TF: variants seen among roughly 807,000 people sequenced by gnomAD.
TF encodes serotransferrin.
A neutral mutation model predicts 82.4 loss-of-function variants in TF; 55 were observed. That is an observed-to-expected ratio of 0.67 (90% CI 0.54 to 0.84). The LOEUF (loss-of-function observed/expected upper bound fraction) is 0.84, where lower values mean the gene tolerates loss of function less well. Ranked by LOEUF, TF falls within the 40% of genes least tolerant of loss-of-function variation. TF has a pLI of 0.00. For synonymous variants in TF, 332 were observed against 332.6 expected, an observed-to-expected ratio of 1.00 and a Z score of 0.02; for missense variants, 737 against 868.4, an observed-to-expected ratio of 0.85 and a Z score of 1.90.
chr3:133,755,433 A>C lies in TF; in HGVS notation c.573A>C (p.Gln191His), dbSNP rs1396504376. ...GGACGGACTTCCCCCAGCTGTGTCA[A>C]CTGTGTCCAGGGTGTGGCTGCTCCA... ...ADGTDFPQLCQLCPGCGCSTL... is the reference protein window; with the variant it reads ...ADGTDFPQLCHLCPGCGCSTL... Residue 191 changes from glutamine (Q) to histidine (H), a missense_variant, in exon 5 of 17, where the codon CAA becomes CAC. Physicochemically the swap from Gln to His is conservative, Grantham distance 24 (BLOSUM62 0). Coordinates refer to ENST00000402696, the MANE Select transcript of TF (RefSeq NM_001063.4). The C allele has an allele frequency of 1.2e-6, 2 of 1,614,204 alleles. No homozygotes were observed. Among genetic ancestry groups the C allele is most frequent in the South Asian group, 2.2e-5 (2 of 91,074 alleles).
At chr3:133,757,970 T>A in intron 8 of TF, 24 bp downstream of exon 8, 2 of 1,613,360 alleles carry the variant, frequency 1.2e-6, no homozygotes, top group Non-Finnish European at 1.7e-6. Flanking sequence ...AAGAACCAGG[T>A]GACCACAAGC....
At chr3:133,755,621 C>G in intron 5 of TF, 126 bp downstream of exon 5, 1 of 1,352,140 alleles carries the variant, frequency 7.4e-7, no homozygotes, top group Non-Finnish European at 1.0e-6. Flanking sequence ...TAATCCCCTC[C>G]CAGTGAGTCA....
intron 14 of TF, among the ~76,000 whole-genome samples, chr3:133,772,599 CCCT>C (rs1934287091): frequency 6.6e-6 from 1 of 152,186 alleles, no homozygotes; most frequent in African/African-American, 2.4e-5. Context: ...TGTCAACGTT[CCCT>C]CCTCTTCTCC....
Position 133,785,042 on chromosome 3 carries a change from A to G in TF, c.*6422A>G, listed in dbSNP as rs1181186035. 1.2e-5 allele frequency: 1 copy of G among 83,224 alleles called. No individual in the cohort carries two copies. Among genetic ancestry groups the G allele is most frequent in the Non-Finnish European group, 2.8e-5 (1 of 36,344 alleles). The allele number at this position is 83,224 out of a possible 1,614,324, so 5.2% of individuals were successfully genotyped here. A position where few individuals can be genotyped will look rare whatever the true frequency, so the allele number is the denominator to read the frequency against. On this transcript the variant is annotated 3_prime_UTR_variant, in exon 17 of 17. Transcript: ENST00000402696. The stretch of plus-strand genomic sequence containing the variant: ...GGCCAGCCGCCCCGTCTGGGAGGTG[A>G]GGGGCGCCTCTGCCCGGCCGCCCCT...
At chr3:133,684,924 T>A in the TF span, among the ~76,000 whole-genome samples, 20 of 152,080 alleles carry the variant, frequency 1.3e-4, no homozygotes, top group Admixed American at 2.0e-4. Flanking sequence ...TAGACCAATA[T>A]CCCTGATGAA....
chr3:133,756,431 C>T (rs1933832117), intron 6 of TF, 94 bp downstream of exon 6: 21 of 1,351,150 alleles, frequency 1.6e-5, no homozygotes, highest in Non-Finnish European at 2.1e-5. Flanking sequence ...TGGAAATGAG[C>T]ATACTGTATT....
intron 1 of TF, among the ~76,000 whole-genome samples, chr3:133,746,980 G>A (rs979720055): frequency 3.3e-5 from 5 of 152,166 alleles, no homozygotes; most frequent in Non-Finnish European, 7.3e-5. Context: ...TCACCAGGGA[G>A]GGGGTCATCA....
Position 133,789,894 on chromosome 3 carries a change from T to G in TF, c.*11274T>G, listed in dbSNP as rs1934789155. On this transcript the variant is annotated 3_prime_UTR_variant, in exon 17 of 17. Transcript: ENST00000402696. ...TCTCGTTTGCGTTTTTTTTTTTTTT[T>G]TTTTTTTTTTTTTTGACAAATGAGC... 1 of 148,142 alleles carries G rather than the reference T, an allele frequency of 6.8e-6. No individual in the cohort carries two copies. Among genetic ancestry groups the G allele is most frequent in the Non-Finnish European group, 1.5e-5 (1 of 67,160 alleles). 9.2% of individuals were successfully genotyped at this position (148,142 alleles called of 1,614,324 possible). A position where few individuals can be genotyped will look rare whatever the true frequency, so the allele number is the denominator to read the frequency against.
the TF span, chr3:133,665,137 G>A: frequency 6.8e-6 from 1 of 147,106 alleles, no homozygotes; most frequent in Non-Finnish European, 1.5e-5. Flanking sequence ...AACGTAGCAA[G>A]AACCCCCATC....
chr3:133,757,132 A>G, intron 7 of TF, 123 bp downstream of exon 7: 1 of 1,295,648 alleles, frequency 7.7e-7, no homozygotes, highest in Admixed American at 1.9e-5. Flanking sequence ...GAGCCATGCC[A>G]CATGTCACTA....
At chr3:133,687,580 C>A in the TF span, among the ~76,000 whole-genome samples, 2 of 152,178 alleles carry the variant, frequency 1.3e-5, no homozygotes, top group Non-Finnish European at 2.9e-5. Flanking sequence ...AGTCAGTACC[C>A]ATTTTCGTCA....
At position 133,793,073 on chromosome 3, in the gene TF, G is replaced by A. The variant is rs972863456; in HGVS notation, c.*14453G>A. 6.6e-6 allele frequency: 1 copy of A among 152,056 alleles called. No homozygotes were observed. The highest frequency in any genetic ancestry group is 2.4e-5 in the African/African-American group (1 of 41,418). 9.4% of individuals were successfully genotyped at this position (152,056 alleles called of 1,614,324 possible). A position where few individuals can be genotyped will look rare whatever the true frequency, so the allele number is the denominator to read the frequency against. ...ACATTAATAGCACACTAATGCAAGGGTGAAATTTGGCTTTCTCTCTTGAAC... is the reference window on the plus strand; with the variant it reads ...ACATTAATAGCACACTAATGCAAGGATGAAATTTGGCTTTCTCTCTTGAAC... On this transcript the variant is annotated 3_prime_UTR_variant, in exon 17 of 17. Coordinates refer to ENST00000402696, the MANE Select transcript of TF (RefSeq NM_001063.4).
chr3:133,771,260 T>C (rs1405383943), intron 14 of TF, among the ~76,000 whole-genome samples: 3 of 152,174 alleles, frequency 2.0e-5, no homozygotes. Context: ...TCTGGGAATT[T>C]TGAGCATTAA....
chr3:133,687,285 G>A, the TF span, among the ~76,000 whole-genome samples: 1 of 152,006 alleles, frequency 6.6e-6, no homozygotes, highest in African/African-American at 2.4e-5. Context: ...CATGGCACAT[G>A]TATACATATG....
chr3:133,663,628 A>G, the TF span, among the ~76,000 whole-genome samples: 1 of 152,260 alleles, frequency 6.6e-6, no homozygotes, highest in South Asian at 2.1e-4. Flanking sequence ...CAACCCTATA[A>G]TAGATGGGTA....
chr3:133,698,977 G>A, the TF span, among the ~76,000 whole-genome samples: 1 of 152,196 alleles, frequency 6.6e-6, no homozygotes, highest in Non-Finnish European at 1.5e-5. Context: ...TTTAGTGGGG[G>A]ACCTGGGCCA....
In TF at chr3:133,781,466, TA is replaced by T. The variant is rs1358979226; in HGVS notation, c.*2850del. ...GACAATAATAATTAACAAGAATAAATAAAATGTATCATTTAGTAAATTAATA... is the reference window on the plus strand; with the variant it reads ...GACAATAATAATTAACAAGAATAAATAAATGTATCATTTAGTAAATTAATA... On this transcript the variant is annotated 3_prime_UTR_variant, in exon 17 of 17. Coordinates refer to ENST00000402696, the MANE Select transcript of TF (RefSeq NM_001063.4). 2.6e-5 allele frequency: 4 copies of T among 152,076 alleles called. No homozygotes were observed. The highest frequency in any genetic ancestry group is 5.9e-5 in the Non-Finnish European group (4 of 68,000). The allele number at this position is 152,076 out of a possible 1,614,324, so 9.4% of individuals were successfully genotyped here.
chr3:133,727,677 T>C, the TF span, among the ~76,000 whole-genome samples: 2 of 120,434 alleles, frequency 1.7e-5, no homozygotes, highest in African/African-American at 6.4e-5. Context: ...TATTGTTATG[T>C]GTGAATTTGA....
At chr3:133,731,608 T>C in the TF span, among the ~76,000 whole-genome samples, 1 of 152,224 alleles carries the variant, frequency 6.6e-6, no homozygotes, top group African/African-American at 2.4e-5. Context: ...TGGTATGTAG[T>C]CTATGTTGGG....
Sources: gnomAD v4.1 joint callset for allele counts (sites outside exome capture counted in the v4.1 genomes callset) on GRCh38, gnomAD v4.1.1 for gene constraint, MANE v1.5 for transcripts, NCBI Gene and HGNC (gene_info 2026-07-23, HGNC 2026-07-21) for gene names.